Variants in ACADS observed in about 807,000 individuals in gnomAD.
ACADS encodes short-chain specific acyl-CoA dehydrogenase, mitochondrial.
A neutral mutation model predicts 46.8 loss-of-function variants in ACADS; 28 were observed. The ratio of observed to expected loss-of-function variants is 0.60; its 90% CI spans 0.44 to 0.82. The LOEUF is 0.82. Ranked by LOEUF, ACADS falls within the 40% of genes least tolerant of loss-of-function variation. The pLI is 0.00. For synonymous variants in ACADS, 236 were observed against 237.7 expected, an observed-to-expected ratio of 0.99 and a Z score of 0.07; for missense variants, 528 against 578.0, an observed-to-expected ratio of 0.91 and a Z score of 0.89.
chr12:120,729,992 T>G (rs1883202701), intron 2 of ACADS, among the ~76,000 whole-genome samples: 1 of 152,068 alleles, frequency 6.6e-6, no homozygotes, highest in Non-Finnish European at 1.5e-5. Flanking sequence ...TAAATTATTT[T>G]TGTGTGTGTG....
At chr12:120,732,019 T>C (rs1883263187) in intron 2 of ACADS, among the ~76,000 whole-genome samples, 1 of 152,150 alleles carries the variant, frequency 6.6e-6, no homozygotes, top group Non-Finnish European at 1.5e-5. Context: ...CGAAATGAAG[T>C]CTCCCATGTC....
At position 120,728,620 on chromosome 12, in the gene ACADS, C is replaced by T. The variant is rs1262723281; in HGVS notation, c.210+1431C>T. Among the ~76,000 whole-genome samples, 2 of 151,726 alleles carry T rather than the reference C, an allele frequency of 1.3e-5. No homozygotes were observed. Among genetic ancestry groups the T allele is most frequent in the Non-Finnish European group, 2.9e-5 (2 of 67,936 alleles). The stretch of plus-strand genomic sequence containing the variant: ...TCTGAGTTCAAACAATTGTTTCCTG[C>T]CTCAGCCTCCCGAGTAGCTGGGATT... On this transcript the variant is annotated intron_variant, in intron 2 of 9. Transcript: ENST00000242592. This position sits in a 1 kb window ranked among gnomAD's most constrained non-coding sequence, Gnocchi z 4.0.
At chr12:120,729,525 T>C (rs1221641263) in intron 2 of ACADS, among the ~76,000 whole-genome samples, 2 of 152,162 alleles carry the variant, frequency 1.3e-5, no homozygotes, top group African/African-American at 4.8e-5. Context: ...CCCAAACTGC[T>C]GGGATTACAG....
Position 120,738,212 on chromosome 12 carries a change from T to C in ACADS, c.625-68T>C, listed in dbSNP as rs572504570. The C allele has an allele frequency of 3.1e-6, 5 of 1,611,710 alleles. No homozygotes were observed. The African/African-American group carries it at 5.3e-5, about 17-fold the overall frequency. ...AGGTGGGGAGGGGACCGGGTTGGTG[T>C]TGGGTGTGCTGGTGTGAGGGTGTGG... On this transcript the variant is annotated intron_variant, in intron 5 of 9. Coordinates refer to ENST00000242592, the MANE Select transcript of ACADS (RefSeq NM_000017.4).
chr12:120,737,887 G>A lies in ACADS; in HGVS notation c.523G>A (p.Asp175Asn), dbSNP rs960658568. 62 of 1,613,996 alleles carry A rather than the reference G, an allele frequency of 3.8e-5. No individual in the cohort carries two copies. The highest frequency in any genetic ancestry group is 6.7e-5 in the African/African-American group (5 of 74,914). Residue 175 changes from aspartate (D) to asparagine (N), a missense_variant, in exon 5 of 10, where the codon GAC becomes AAC. By Grantham distance (23) the Asp-to-Asn change is conservative. Coordinates refer to ENST00000242592, the MANE Select transcript of ACADS (RefSeq NM_000017.4). Reference sequence around the variant, plus strand: ...GTCCACCACCGCCCGGGCCGAGGGCGACTCATGGGTTCTGAATGGAACCAA... The same window carrying A: ...GTCCACCACCGCCCGGGCCGAGGGCAACTCATGGGTTCTGAATGGAACCAA... ...AASTTARAEG[D>N]SWVLNGTKAW...
intron 2 of ACADS, among the ~76,000 whole-genome samples, chr12:120,729,699 CCA>C (rs1427875785): frequency 6.6e-6 from 1 of 152,130 alleles, no homozygotes; most frequent in Non-Finnish European, 1.5e-5. Flanking sequence ...GCTTTTGTCC[CCA>C]CTTTTTTTCT....
rs1283177166 is a variant in ACADS at position 120,739,456 on chromosome 12, G to A, written c.*8G>A. 5 of 1,606,066 alleles carry A rather than the reference G, an allele frequency of 3.1e-6. No homozygotes were observed. Reference sequence around the variant, plus strand: ...AGGAGCTACCGGAGCTGAGCCCGCGGCGGACTGCCCCAGGACTGCGGGAAG... The same window carrying A: ...AGGAGCTACCGGAGCTGAGCCCGCGACGGACTGCCCCAGGACTGCGGGAAG... On this transcript the variant is annotated 3_prime_UTR_variant, in exon 10 of 10. Transcript: ENST00000242592.
At position 120,737,423 on chromosome 12, in the gene ACADS, T is replaced by C. The variant is rs1883489984; in HGVS notation, c.428T>C (p.Phe143Ser). 5 of 1,614,078 alleles carry C rather than the reference T, an allele frequency of 3.1e-6. No homozygotes were observed. The Admixed American group carries it at 8.3e-5, about 27-fold the overall frequency. Residue 143 changes from phenylalanine (F) to serine (S), a missense_variant, in exon 4 of 10, where the codon TTC becomes TCC. Physicochemically the swap from Phe to Ser is radical, Grantham distance 155 (BLOSUM62 -2). Transcript: ENST00000242592. ...KEQKQAWVTPFTSGDKIGCFA... is the reference protein window; with the variant it reads ...KEQKQAWVTPSTSGDKIGCFA... ...CAGAAGCAGGCGTGGGTCACGCCTTTCACCAGTGGTGACAAAATTGGCTGC... is the reference window on the plus strand; with the variant it reads ...CAGAAGCAGGCGTGGGTCACGCCTTCCACCAGTGGTGACAAAATTGGCTGC...
At position 120,738,822 on chromosome 12, in the gene ACADS, C is replaced by T. The variant is rs757880686; in HGVS notation, c.936C>T (p.Phe312=). The change falls in exon 8 of 10, where the codon TTC becomes TTT. Residue 312 remains phenylalanine (F), a splice_region_variant and synonymous_variant. Transcript: ENST00000242592. ...APLTKLQVIQ[F]KLADMALALE... is the part of the protein sequence containing the mutation. ...GGTGTGGGGTGGGGCTATTGCAGTT[C>T]AAGTTGGCAGACATGGCCCTGGCCC... 1.2e-6 allele frequency: 2 copies of T among 1,613,886 alleles called. No homozygotes were observed. The highest frequency in any genetic ancestry group is 2.7e-5 in the African/African-American group (2 of 74,930).
At chr12:120,733,621 G>T (rs1296329662) in intron 2 of ACADS, among the ~76,000 whole-genome samples, 1 of 140,614 alleles carries the variant, frequency 7.1e-6, no homozygotes, top group Admixed American at 7.0e-5. Flanking sequence ...TGCCTATTCT[G>T]AGCAGGACCC....
At chr12:120,727,855 A>G (rs925760110) in intron 2 of ACADS, among the ~76,000 whole-genome samples, 5 of 151,264 alleles carry the variant, frequency 3.3e-5, no homozygotes, top group Non-Finnish European at 5.9e-5. Context: ...ATTATTATAT[A>G]CCCCATGGAC....
intron 4 of ACADS, 123 bp from the exon 5 acceptor site, chr12:120,737,714 T>C: frequency 7.0e-7 from 1 of 1,431,532 alleles, no homozygotes; most frequent in Non-Finnish European, 9.6e-7. Context: ...TTTGGGACCC[T>C]CATCTTTGGA....
chr12:120,731,624 C>A (rs1008940257), intron 2 of ACADS, among the ~76,000 whole-genome samples: 3 of 150,198 alleles, frequency 2.0e-5, no homozygotes, highest in African/African-American at 7.4e-5. Context: ...CTGGCTAATT[C>A]TTGTATTTAT....
intron 2 of ACADS, among the ~76,000 whole-genome samples, chr12:120,733,159 A>C (rs1037754381): frequency 1.3e-5 from 2 of 152,360 alleles, no homozygotes; most frequent in East Asian, 3.9e-4. Flanking sequence ...TGCAGTGAGC[A>C]GAGATGGCGG....
At chr12:120,738,214 G>A in intron 5 of ACADS, 66 bp from the exon 6 acceptor site, 2 of 1,612,110 alleles carry the variant, frequency 1.2e-6, no homozygotes, top group Non-Finnish European at 1.7e-6. Flanking sequence ...GGTTGGTGTT[G>A]GGTGTGCTGG....
rs180830526 is a variant in ACADS at position 120,736,542 on chromosome 12, G to T, written c.211-444G>T. ...CCCAAAGCAGCGAGGCCTGAGCTGCGATCAGAAGGAGAGGAGGGGCAATAA... is the reference window on the plus strand; with the variant it reads ...CCCAAAGCAGCGAGGCCTGAGCTGCTATCAGAAGGAGAGGAGGGGCAATAA... On this transcript the variant is annotated intron_variant, in intron 2 of 9. Coordinates refer to ENST00000242592, the MANE Select transcript of ACADS (RefSeq NM_000017.4). Among the ~76,000 whole-genome samples the T allele has an allele frequency of 1.6e-3, 242 of 152,322 alleles. 1 individual carries two copies. Among genetic ancestry groups the T allele is most frequent in the Non-Finnish European group, 3.0e-3 (205 of 68,038 alleles).
intron 2 of ACADS, among the ~76,000 whole-genome samples, chr12:120,727,955 T>G (rs1319494599): frequency 6.6e-6 from 1 of 152,172 alleles, no homozygotes; most frequent in African/African-American, 2.4e-5. Flanking sequence ...TTTATTTACT[T>G]ATTTTTTTTT....
rs763162492 is a variant in ACADS, at chr12:120,738,643, G to A, written c.906G>A (p.Ala302=). The A allele has an allele frequency of 7.7e-5, 124 of 1,612,640 alleles. 1 individual carries two copies. The South Asian group carries it at 9.9e-4, about 13-fold the overall frequency. ...CTGAGAATCGCATGGCCTTCGGGGC[G>A]CCCCTCACCAAGCTCCAGGTCATCC... ...NYAENRMAFG[A]PLTKLQVIQF... Residue 302 remains alanine (A), a synonymous_variant, in exon 7 of 10, where the codon GCG becomes GCA. Transcript: ENST00000242592.
Position 120,728,360 on chromosome 12 carries a change from C to T in ACADS, c.210+1171C>T, listed in dbSNP as rs61239175. On this transcript the variant is annotated intron_variant, in intron 2 of 9. Transcript: ENST00000242592. The surrounding 1 kb of genome is among the most constrained non-coding windows in gnomAD (Gnocchi z 4.0). ...AGCTACGCGTTGAAGATGTTACTGC[C>T]GTACACGCTGACCTAAAGATGTCCA... is the stretch of plus-strand genomic sequence containing the variant. Among the ~76,000 whole-genome samples, 1,632 of 152,136 alleles carry T rather than the reference C, an allele frequency of 0.011. 106 individuals are homozygous for T. The East Asian group carries it at 0.17, about 16-fold the overall frequency.
Sources: gnomAD v4.1 joint callset for allele counts (sites outside exome capture counted in the v4.1 genomes callset) on GRCh38, gnomAD v4.1.1 for gene constraint, Gnocchi (gnomAD v3.1) non-coding constraint, MANE v1.5 for transcripts, NCBI Gene and HGNC (gene_info 2026-07-23, HGNC 2026-07-21) for gene names.